Variants in KIAA1217 observed in about 807,000 individuals in gnomAD.
KIAA1217 encodes KIAA1217.
In KIAA1217, 88 loss-of-function variants were observed where a neutral mutation model predicts 163.9. The observed-to-expected ratio is 0.54, with a 90% CI of 0.45 to 0.64. The LOEUF (loss-of-function observed/expected upper bound fraction) is 0.64, where lower values mean the gene tolerates loss of function less well. KIAA1217 is among the 30% of genes least tolerant of loss of function. The pLI is 0.00. For synonymous variants in KIAA1217, 903 were observed against 923.1 expected, an observed-to-expected ratio of 0.98 and a Z score of 0.39; for missense variants, 2,372 against 2,475.0, an observed-to-expected ratio of 0.96 and a Z score of 0.88.
intron 2 of KIAA1217, among the ~76,000 whole-genome samples, chr10:24,200,406 G>T (rs1354166236): frequency 6.6e-6 from 1 of 151,960 alleles, no homozygotes; most frequent in African/African-American, 2.4e-5. Context: ...TCCCACCTCA[G>T]CCTCCCATGT....
At chr10:24,311,749 G>A (rs1416346739) in intron 2 of KIAA1217, among the ~76,000 whole-genome samples, 1 of 152,044 alleles carries the variant, frequency 6.6e-6, no homozygotes. Flanking sequence ...TCATCTGGGG[G>A]GACAAAGGCT....
rs1018670386 is a variant in KIAA1217, at chr10:23,807,752, G to C, written c.-321+112518G>C. 7.2e-5 allele frequency among the ~76,000 whole-genome samples: 11 copies of C among 152,172 alleles called. No individual in the cohort carries two copies. In the South Asian group the frequency reaches 1.5e-3, roughly 20 times the overall value. Reference sequence around the variant, plus strand: ...TCAGATTCAAAATCAAGAATGGAAGGCCTCAGCTGTCAGAAATGAGGAGGG... The same window carrying C: ...TCAGATTCAAAATCAAGAATGGAAGCCCTCAGCTGTCAGAAATGAGGAGGG... On this transcript the variant is annotated intron_variant, in intron 1 of 18. Coordinates refer to the KIAA1217 transcript ENST00000376462.
chr10:24,382,653 C>T (rs918516085), intron 3 of KIAA1217, among the ~76,000 whole-genome samples: 1 of 151,752 alleles, frequency 6.6e-6, no homozygotes, highest in Non-Finnish European at 1.5e-5. Flanking sequence ...AATTAAGTGG[C>T]AGCAGTGGGA....
At chr10:24,256,039 A>C (rs1449682106) in intron 2 of KIAA1217, among the ~76,000 whole-genome samples, 1 of 110,908 alleles carries the variant, frequency 9.0e-6, no homozygotes. Flanking sequence ...ACTCAAGCTC[A>C]GATGACCAAA....
At chr10:23,966,224 G>A (rs1440257062) in intron 1 of KIAA1217, among the ~76,000 whole-genome samples, 4 of 152,178 alleles carry the variant, frequency 2.6e-5, no homozygotes, top group Non-Finnish European at 5.9e-5. Context: ...CACGCTGACT[G>A]ATAGACAACA....
intron 1 of KIAA1217, among the ~76,000 whole-genome samples, chr10:23,867,483 C>T (rs963388352): frequency 1.3e-5 from 2 of 152,152 alleles, no homozygotes; most frequent in African/African-American, 4.8e-5. Context: ...TAAAAGTGTT[C>T]CTATTTCTTG....
intron 1 of KIAA1217, among the ~76,000 whole-genome samples, chr10:23,721,473 C>CT (rs1554778242): frequency 6.6e-6 from 1 of 151,952 alleles, no homozygotes; most frequent in Non-Finnish European, 1.5e-5. Context: ...CTCATAGCAT[C>CT]TTTTTCCTTT....
chr10:24,412,771 C>T (rs1049783321), intron 3 of KIAA1217, among the ~76,000 whole-genome samples: 2 of 152,120 alleles, frequency 1.3e-5, no homozygotes, highest in Admixed American at 6.5e-5. Flanking sequence ...CCGCATGGTG[C>T]CAAATATCAG....
intron 2 of KIAA1217, among the ~76,000 whole-genome samples, chr10:24,153,671 T>C (rs2064731573): frequency 6.6e-6 from 1 of 152,220 alleles, no homozygotes; most frequent in Non-Finnish European, 1.5e-5. Context: ...ATCACTGCTT[T>C]CTCATTAAAT....
At chr10:24,205,772 C>CAA (rs11388565), upstream of KIAA1217, among the ~76,000 whole-genome samples, 314 of 142,130 alleles carry the variant, frequency 2.2e-3, no homozygotes, top group African/African-American at 6.9e-3. Context: ...GATGCTGTCT[C>CAA]AAAAAAAAAA....
intron 2 of KIAA1217, among the ~76,000 whole-genome samples, chr10:24,141,925 T>C (rs1485640422): frequency 6.6e-6 from 1 of 152,140 alleles, no homozygotes; most frequent in African/African-American, 2.4e-5. Flanking sequence ...TCAGCCTCAA[T>C]ATATGACATT....
At chr10:23,995,809 C>G (rs1462474841) in intron 1 of KIAA1217, among the ~76,000 whole-genome samples, 1 of 152,064 alleles carries the variant, frequency 6.6e-6, no homozygotes, top group Non-Finnish European at 1.5e-5. Context: ...AAAAATGGAG[C>G]CCTTATTTTT....
Position 24,546,206 on chromosome 10 carries a change from C to T in KIAA1217, c.5714C>T (p.Ser1905Leu). ...CCTCCTTCTCCTGCCTCCTCCGTCTCACTGAATCAAGGTGCCAAGGGCACC... is the reference window on the plus strand; with the variant it reads ...CCTCCTTCTCCTGCCTCCTCCGTCTTACTGAATCAAGGTGCCAAGGGCACC... Reference protein sequence around the residue: ...SSPPSPASSVSLNQGAKGTRT... With the variant: ...SSPPSPASSVLLNQGAKGTRT... Residue 1905 changes from serine to leucine, a missense_variant, in exon 21 of 21, where the codon TCA becomes TTA. Ser to Leu is a moderately radical substitution (Grantham distance 145). Transcript: ENST00000376454. The T allele has an allele frequency of 6.2e-7, 1 of 1,614,194 alleles. No individual in the cohort carries two copies. Among genetic ancestry groups the T allele is most frequent in the Non-Finnish European group, 8.5e-7 (1 of 1,180,044 alleles).
rs564144734 is a variant in KIAA1217, at chr10:24,276,840, C to A, written c.354+56931C>A. On this transcript the variant is annotated intron_variant, in intron 2 of 20. Coordinates refer to ENST00000376454, the MANE Select transcript of KIAA1217 (RefSeq NM_019590.5). The stretch of plus-strand genomic sequence containing the variant: ...GGCCAGGCTGGTCTGGAACTCCTGA[C>A]CTTGTGATCCGTCCGCCTCAGCCTC... 3.9e-5 allele frequency among the ~76,000 whole-genome samples: 6 copies of A among 152,052 alleles called. No homozygotes were observed. The East Asian group carries it at 9.7e-4, about 25-fold the overall frequency.
rs2054537783 is a variant in KIAA1217 at position 24,389,500 on chromosome 10, T to C, written c.553+8433T>C. On this transcript the variant is annotated intron_variant, in intron 3 of 20. Coordinates refer to ENST00000376454, the MANE Select transcript of KIAA1217 (RefSeq NM_019590.5). ...CACCAACATGGCACATGTATACATATGTAACAAACCTGCACGTTGTGTACA... is the reference window on the plus strand; with the variant it reads ...CACCAACATGGCACATGTATACATACGTAACAAACCTGCACGTTGTGTACA... Among the ~76,000 whole-genome samples, 3 of 151,522 alleles carry C rather than the reference T, an allele frequency of 2.0e-5. No individual in the cohort carries two copies. The South Asian group carries it at 6.3e-4, about 32-fold the overall frequency.
chr10:24,520,657 T>TATATAA (rs1554926898), intron 11 of KIAA1217, among the ~76,000 whole-genome samples: 1 of 79,032 alleles, frequency 1.3e-5, no homozygotes, highest in Admixed American at 1.5e-4. Flanking sequence ...AAAAAATATA[T>TATATAA]ATATATATAT....
intron 2 of KIAA1217, among the ~76,000 whole-genome samples, chr10:24,322,187 C>G (rs2044255685): frequency 6.6e-6 from 1 of 152,092 alleles, no homozygotes; most frequent in Non-Finnish European, 1.5e-5. Flanking sequence ...TTCCTGACCT[C>G]TAGTGATCCA....
At chr10:24,241,723 C>T (rs990471409) in intron 2 of KIAA1217, among the ~76,000 whole-genome samples, 1 of 152,212 alleles carries the variant, frequency 6.6e-6, no homozygotes, top group Non-Finnish European at 1.5e-5. Context: ...TAATTATATC[C>T]TACATCCATT....
At chr10:24,024,981 C>G (rs1206377137) in intron 2 of KIAA1217, among the ~76,000 whole-genome samples, 1 of 151,592 alleles carries the variant, frequency 6.6e-6, no homozygotes, top group East Asian at 1.9e-4. Context: ...TATTTCTTAC[C>G]TATGCATTTC....
Sources: gnomAD v4.1 joint callset for allele counts (sites outside exome capture counted in the v4.1 genomes callset) on GRCh38, gnomAD v4.1.1 for gene constraint, MANE v1.5 for transcripts, NCBI Gene and HGNC (gene_info 2026-07-23, HGNC 2026-07-21) for gene names.